Variants in LUZP1 observed in about 807,000 individuals in gnomAD.
The protein encoded by LUZP1 is filamin mechanobinding actin cross-linking protein.
In LUZP1, 25 loss-of-function variants were observed where a neutral mutation model predicts 71.3. That is an observed-to-expected ratio of 0.35 (90% CI 0.26 to 0.49). The LOEUF (loss-of-function observed/expected upper bound fraction) is 0.49, where lower values mean the gene tolerates loss of function less well. LUZP1 is among the 20% of genes least tolerant of loss of function. The probability of loss-of-function intolerance (pLI) is 0.99; values close to 1 mark genes in which losing one functional copy is unlikely to be tolerated. For missense variants in LUZP1, 1,142 were observed against 1,300.8 expected (o/e 0.88, Z 1.88); for synonymous variants, 481 against 506.4 (o/e 0.95, Z 0.67).
Position 23,094,421 on chromosome 1 carries a change from A to G in LUZP1, c.-119-41T>C, listed in dbSNP as rs972981101. ...AGAAAGCATGTCAGTCAGCAAATGT[A>G]AAACCTGCACGTTAGCTCCCAGTTA... On this transcript the variant is annotated intron_variant, in intron 3 of 4. Transcript: ENST00000302291. This position sits in a 1 kb window ranked among gnomAD's most constrained non-coding sequence, Gnocchi z 4.7. The G allele has an allele frequency of 2.9e-6, 4 of 1,378,946 alleles. No homozygotes were observed. The highest frequency in any genetic ancestry group is 3.8e-6 in the Non-Finnish European group (4 of 1,063,960). 85.4% of individuals were successfully genotyped at this position (1,378,946 alleles called of 1,614,324 possible).
chr1:23,142,998 G>A (rs1004796744), intron 2 of LUZP1, among the ~76,000 whole-genome samples: 3 of 151,818 alleles, frequency 2.0e-5, no homozygotes, highest in East Asian at 1.9e-4. Context: ...GTAAGACTTC[G>A]TCTCTATTTT....
At chr1:23,104,184 CTT>C (rs1184690521) in intron 3 of LUZP1, among the ~76,000 whole-genome samples, 8 of 143,174 alleles carry the variant, frequency 5.6e-5, no homozygotes, top group Admixed American at 7.0e-5. Context: ...TTTTCTTTTT[CTT>C]TTTTTTTTTT....
At chr1:23,124,777 C>T (rs1243260742) in intron 2 of LUZP1, among the ~76,000 whole-genome samples, 1 of 152,194 alleles carries the variant, frequency 6.6e-6, no homozygotes, top group African/African-American at 2.4e-5. Flanking sequence ...AAGGAATCCA[C>T]ATCACCTGAC....
rs570276313 is a variant in LUZP1 at position 23,101,937 on chromosome 1, C to T, written c.-120+7085G>A. On this transcript the variant is annotated intron_variant, in intron 3 of 4. Transcript: ENST00000302291. The stretch of plus-strand genomic sequence containing the variant: ...TTACCCTTGCCTTTAAGGAATCATA[C>T]AGATATAACCAATCATAAAACTATG... Among the ~76,000 whole-genome samples the T allele has an allele frequency of 7.2e-5, 11 of 152,268 alleles. No homozygotes were observed. The South Asian group carries it at 1.7e-3, about 23-fold the overall frequency.
intron 2 of LUZP1, among the ~76,000 whole-genome samples, chr1:23,112,720 T>C (rs569273903): frequency 6.6e-6 from 1 of 152,322 alleles, no homozygotes; most frequent in East Asian, 1.9e-4. Flanking sequence ...ATCTCTAGCC[T>C]GAGGCTGGTC....
chr1:23,138,663 T>TTGTGTGTGTGTGTGTGTG (rs550739499), intron 2 of LUZP1, among the ~76,000 whole-genome samples: 7 of 125,608 alleles, frequency 5.6e-5, no homozygotes, highest in African/African-American at 1.9e-4. Context: ...GATTATGTGT[T>TTGTGTGTGTGTGTGTGTG]TGTGTGTGTG....
chr1:23,090,427 T>A (rs577170390), intron 4 of LUZP1: 1 of 168,082 alleles, frequency 5.9e-6, no homozygotes, highest in South Asian at 1.7e-4. Flanking sequence ...GAGCACTGTG[T>A]CCAGGTCCAA....
At chr1:23,109,768 A>G (rs1644012981) in intron 2 of LUZP1, 1 of 152,100 alleles carries the variant, frequency 6.6e-6, no homozygotes, top group Admixed American at 6.5e-5. Context: ...ACATGCAAAT[A>G]TTTTTTTTAA....
chr1:23,145,448 G>A (rs1644335452), intron 2 of LUZP1, among the ~76,000 whole-genome samples: 1 of 151,014 alleles, frequency 6.6e-6, no homozygotes, highest in Non-Finnish European at 1.5e-5. Flanking sequence ...ACAACCCTAT[G>A]AGGCAGATAC....
At chr1:23,149,693 G>A (rs964035396) in intron 2 of LUZP1, among the ~76,000 whole-genome samples, 1 of 152,018 alleles carries the variant, frequency 6.6e-6, no homozygotes, top group African/African-American at 2.4e-5. Flanking sequence ...GAAGTAAAAG[G>A]GCCGGGCGTG....
intron 2 of LUZP1, among the ~76,000 whole-genome samples, chr1:23,117,845 G>A (rs1262073220): frequency 3.3e-5 from 5 of 151,808 alleles, no homozygotes; most frequent in East Asian, 1.9e-4. Context: ...TAATCCCAGC[G>A]CTTTGGGAGG....
At chr1:23,107,250 C>G (rs1458193812) in intron 3 of LUZP1, among the ~76,000 whole-genome samples, 1 of 152,218 alleles carries the variant, frequency 6.6e-6, no homozygotes, top group Non-Finnish European at 1.5e-5. Flanking sequence ...CCACTATCAC[C>G]TTACGCTGCT....
rs756822982 is a variant in LUZP1, at chr1:23,093,075, T to C, written c.1187A>G (p.Gln396Arg). 2.5e-6 allele frequency: 4 copies of C among 1,614,176 alleles called. No homozygotes were observed. The Admixed American group carries it at 6.7e-5, about 27-fold the overall frequency. Residue 396 changes from glutamine (Q) to arginine (R), a missense_variant, in exon 4 of 5, where the codon CAG becomes CGG. Physicochemically the swap from Gln to Arg is conservative, Grantham distance 43. Coordinates refer to ENST00000302291, the Ensembl canonical transcript of LUZP1. This position sits in a 1 kb window ranked among gnomAD's most constrained non-coding sequence, Gnocchi z 4.2. The stretch of plus-strand genomic sequence containing the variant: ...GTTCCGGAGTCGTTCCCGCTTATGC[T>C]GAGGAGACAGTTCCCGCGCTGTGTG...
intron 2 of LUZP1, among the ~76,000 whole-genome samples, chr1:23,135,704 T>C (rs768587005): frequency 2.6e-5 from 4 of 152,190 alleles, no homozygotes; most frequent in Non-Finnish European, 5.9e-5. Flanking sequence ...CATGTAACTG[T>C]TTAAGGCTGC....
chr1:23,139,133 A>G (rs2124703763), intron 2 of LUZP1, among the ~76,000 whole-genome samples: 1 of 147,770 alleles, frequency 6.8e-6, no homozygotes, highest in South Asian at 2.2e-4. Flanking sequence ...TTCCACACAC[A>G]CACAGACACC....
exon 5 of LUZP1, chr1:23,087,957 C>A (rs1043597945): frequency 6.6e-6 from 1 of 152,642 alleles, no homozygotes; most frequent in African/African-American, 2.4e-5. Context: ...TCTCATGGAG[C>A]TATTGCTTGT....
At chr1:23,175,402 G>A (rs1236183775) in intron 1 of LUZP1, among the ~76,000 whole-genome samples, 1 of 152,114 alleles carries the variant, frequency 6.6e-6, no homozygotes, top group Non-Finnish European at 1.5e-5. Context: ...CAAAGGAAAG[G>A]CATCTCAGCT....
At chr1:23,170,462 C>CTTTTTTTTTTT (rs200073505) in intron 1 of LUZP1, among the ~76,000 whole-genome samples, 19 of 127,422 alleles carry the variant, frequency 1.5e-4, no homozygotes, top group Non-Finnish European at 2.0e-4. Context: ...CTTTTTCTTT[C>CTTTTTTTTTTT]TTTTTTTTTT....
chr1:23,141,070 T>C (rs1451779188), intron 2 of LUZP1: 1 of 152,346 alleles, frequency 6.6e-6, no homozygotes, highest in African/African-American at 2.4e-5. Context: ...ACCTGGTCTG[T>C]GGGCTGGGAG....
Sources: allele counts gnomAD v4.1 joint callset (sites outside exome capture counted in the v4.1 genomes callset), GRCh38; gene constraint gnomAD v4.1.1; non-coding constraint Gnocchi (gnomAD v3.1); transcripts MANE v1.5; gene names NCBI Gene and HGNC (gene_info 2026-07-23, HGNC 2026-07-21).